KCNH1: variants seen among roughly 807,000 people sequenced by gnomAD.
The protein encoded by KCNH1 is voltage-gated delayed rectifier potassium channel KCNH1.
KCNH1 carries 27 observed loss-of-function variants against 69.2 expected under a neutral mutation model. The ratio of observed to expected loss-of-function variants is 0.39; its 90% CI spans 0.29 to 0.54. KCNH1 has a LOEUF of 0.54. Among genes scored for constraint, KCNH1 ranks in the 20% least tolerant of loss-of-function variants. The probability of loss-of-function intolerance (pLI) is 0.68; values close to 1 mark genes in which losing one functional copy is unlikely to be tolerated. For missense variants in KCNH1, 798 were observed against 1,261.6 expected, an observed-to-expected ratio of 0.63 and a Z score of 5.57; for synonymous variants, 456 against 487.7, an observed-to-expected ratio of 0.93 and a Z score of 0.86.
At chr1:210,856,034 G>T (rs1450357535) in intron 7 of KCNH1, among the ~76,000 whole-genome samples, 1 of 152,100 alleles carries the variant, frequency 6.6e-6, no homozygotes, top group Admixed American at 6.5e-5. Context: ...ATGTTACTTT[G>T]TCTCTATCAC....
Position 210,919,786 on chromosome 1 carries a change from T to A in KCNH1, c.1316A>T (p.Lys439Met). The A allele has an allele frequency of 1.2e-6, 2 of 1,614,206 alleles. No homozygotes were observed. Among genetic ancestry groups the A allele is most frequent in the Non-Finnish European group, 1.7e-6 (2 of 1,180,020 alleles). ...ATTCTTGCTGGGACCACCTTCCCAC[T>A]TCCCTGAGCCAGACCCATTAAACTG... ...PYQFNGSGSG[K>M]WEGGPSKNSV... Residue 439 changes from lysine (K) to methionine (M), a missense_variant, in exon 7 of 11, where the codon AAG becomes ATG. Physicochemically the swap from Lys to Met is moderately conservative, Grantham distance 95. This residue lies in a region of KCNH1 where 197 missense variants were observed against 407.7 expected (regional missense o/e 0.48). Coordinates refer to ENST00000271751, the MANE Select transcript of KCNH1 (RefSeq NM_172362.3). The surrounding 1 kb of genome is among the most constrained non-coding windows in gnomAD (Gnocchi z 4.2).
intron 6 of KCNH1, among the ~76,000 whole-genome samples, chr1:210,983,371 C>T (rs1306949001): frequency 2.0e-5 from 3 of 152,174 alleles, no homozygotes; most frequent in Non-Finnish European, 4.4e-5. Flanking sequence ...ATGGTATTGC[C>T]TAGGTTTTCT....
chr1:210,748,728 G>A (rs1683218529), intron 10 of KCNH1, among the ~76,000 whole-genome samples: 1 of 152,172 alleles, frequency 6.6e-6, no homozygotes, highest in South Asian at 2.1e-4. Context: ...TTTCTAACTG[G>A]AAGGCTGGAC....
At chr1:210,700,892 T>G (rs1681756431) in intron 10 of KCNH1, among the ~76,000 whole-genome samples, 1 of 152,140 alleles carries the variant, frequency 6.6e-6, no homozygotes, top group African/African-American at 2.4e-5. Context: ...GATCAAATTT[T>G]TCTCTTTTCA....
chr1:210,713,143 CAAAG>C (rs147986043), intron 10 of KCNH1, among the ~76,000 whole-genome samples: 2,636 of 152,182 alleles, frequency 0.017, 73 homozygotes, highest in Admixed American at 0.062. Flanking sequence ...ACAACATATT[CAAAG>C]AAAGATGCTC....
Position 210,860,591 on chromosome 1 carries a change from T to C in KCNH1, c.1463-56425A>G, listed in dbSNP as rs534842751. 78 of 852,796 alleles carry C rather than the reference T, an allele frequency of 9.1e-5. No homozygotes were observed. In the South Asian group the frequency reaches 1.0e-3, roughly 11 times the overall value. 52.8% of individuals were successfully genotyped at this position (852,796 alleles called of 1,614,324 possible). ...TCTTCACTATTTTCACAGATCATTT[T>C]CTGAATTACATTGGTAAGGTCATCA... On this transcript the variant is annotated intron_variant, in intron 7 of 10. Coordinates refer to ENST00000271751, the MANE Select transcript of KCNH1 (RefSeq NM_172362.3).
chr1:210,900,207 G>A (rs761249284), intron 7 of KCNH1, among the ~76,000 whole-genome samples: 1 of 152,218 alleles, frequency 6.6e-6, no homozygotes, highest in African/African-American at 2.4e-5. Context: ...ACACAGCAAT[G>A]CCTGGAAGGA....
At chr1:211,012,889 A>AG (rs1395074442) in intron 6 of KCNH1, among the ~76,000 whole-genome samples, 5 of 152,092 alleles carry the variant, frequency 3.3e-5, no homozygotes, top group African/African-American at 9.7e-5. Flanking sequence ...CGAGGAGGGG[A>AG]GGGGAGGGTG....
intron 7 of KCNH1, among the ~76,000 whole-genome samples, chr1:210,810,603 GCT>G: frequency 6.6e-6 from 1 of 151,582 alleles, no homozygotes. Flanking sequence ...TTCAGCTTTT[GCT>G]CTTTTATTGA....
At chr1:211,125,863 T>C (rs1292281275) in intron 1 of KCNH1, among the ~76,000 whole-genome samples, 3 of 152,218 alleles carry the variant, frequency 2.0e-5, no homozygotes, top group Non-Finnish European at 2.9e-5. Flanking sequence ...TCATGCAACA[T>C]AGGACTGATC....
At chr1:210,900,708 C>T (rs1250781521) in intron 7 of KCNH1, among the ~76,000 whole-genome samples, 1 of 152,190 alleles carries the variant, frequency 6.6e-6, no homozygotes, top group Admixed American at 6.5e-5. Context: ...CACAGCCCAT[C>T]TCTTCTGCAG....
intron 6 of KCNH1, among the ~76,000 whole-genome samples, chr1:210,959,849 C>G (rs923753146): frequency 6.6e-6 from 1 of 152,208 alleles, no homozygotes; most frequent in African/African-American, 2.4e-5. Flanking sequence ...AATCCCCCGA[C>G]CCTTTGCACT....
intron 7 of KCNH1, chr1:210,862,340 C>T (rs1045767261): frequency 4.3e-6 from 3 of 701,052 alleles, no homozygotes; most frequent in Admixed American, 4.1e-5. Flanking sequence ...AGGAATAGCA[C>T]TACTCACTGC....
At chr1:210,706,363 C>A (rs1681914256) in intron 10 of KCNH1, among the ~76,000 whole-genome samples, 1 of 152,190 alleles carries the variant, frequency 6.6e-6, no homozygotes, top group Admixed American at 6.5e-5. Flanking sequence ...TGCAAATAAC[C>A]TTTAATATTT....
At chr1:211,070,375 A>G (rs1690615672) in intron 5 of KCNH1, among the ~76,000 whole-genome samples, 1 of 150,472 alleles carries the variant, frequency 6.6e-6, no homozygotes, top group Non-Finnish European at 1.5e-5. Flanking sequence ...CCAAGATCGC[A>G]CCACCGCACT....
chr1:211,006,011 T>A (rs1190733995), intron 6 of KCNH1, among the ~76,000 whole-genome samples: 1 of 152,180 alleles, frequency 6.6e-6, no homozygotes, highest in Non-Finnish European at 1.5e-5. Flanking sequence ...ATCTCTTTAG[T>A]CATTCAAAAA....
intron 6 of KCNH1, among the ~76,000 whole-genome samples, chr1:210,948,726 G>A (rs768228851): frequency 4.0e-5 from 6 of 151,708 alleles, no homozygotes; most frequent in Non-Finnish European, 8.8e-5. Flanking sequence ...CCAGCTACTC[G>A]GGAGGCTAAG....
At chr1:210,837,857 T>A (rs1044126444) in intron 7 of KCNH1, among the ~76,000 whole-genome samples, 3 of 152,214 alleles carry the variant, frequency 2.0e-5, no homozygotes, top group Non-Finnish European at 4.4e-5. Flanking sequence ...TTCAGAAAAG[T>A]GTCTGCCACA....
At chr1:210,985,837 A>G (rs1000772482) in intron 6 of KCNH1, among the ~76,000 whole-genome samples, 1 of 152,028 alleles carries the variant, frequency 6.6e-6, no homozygotes, top group African/African-American at 2.4e-5. Flanking sequence ...CTGGATATCC[A>G]TGTTAACTTT....
Sources: allele counts gnomAD v4.1 joint callset (sites outside exome capture counted in the v4.1 genomes callset), GRCh38; gene constraint gnomAD v4.1.1; regional missense constraint gnomAD v4.1.1; non-coding constraint Gnocchi (gnomAD v3.1); transcripts MANE v1.5; gene names NCBI Gene and HGNC (gene_info 2026-07-23, HGNC 2026-07-21).